Variants in MXRA8 observed in about 807,000 individuals in gnomAD.
MXRA8 encodes the protein matrix remodeling associated 8.
MXRA8 carries 44 observed loss-of-function variants against 51.4 expected under a neutral mutation model. The ratio of observed to expected loss-of-function variants is 0.86; its 90% CI spans 0.67 to 1.10. MXRA8 has a LOEUF of 1.10. Ranked by LOEUF, MXRA8 falls within the 50% of genes least tolerant of loss-of-function variation. The probability of loss-of-function intolerance (pLI) is 0.00; values close to 1 mark genes in which losing one functional copy is unlikely to be tolerated. For synonymous variants in MXRA8, 369 were observed against 293.5 expected (o/e 1.26, Z -2.63); for missense variants, 765 against 638.9 (o/e 1.20, Z -2.13).
At chr1:1,362,792 A>ATTTT (rs1644236013), upstream of MXRA8, among the ~76,000 whole-genome samples, 2 of 150,390 alleles carry the variant, frequency 1.3e-5, no homozygotes, top group African/African-American at 4.9e-5. Context: ...AAAAAAAAAA[A>ATTTT]AAAAAAAAGG....
At chr1:1,354,283 C>T (rs1199082217) in intron 6 of MXRA8, 51 bp from the exon 7 acceptor site, 3 of 1,601,982 alleles carry the variant, frequency 1.9e-6, no homozygotes, top group Non-Finnish European at 2.6e-6. Flanking sequence ...CGCAGGTCCC[C>T]CAGCCCAGAG....
At chr1:1,362,709 A>C (rs1392320835), upstream of MXRA8, among the ~76,000 whole-genome samples, 2 of 130,348 alleles carry the variant, frequency 1.5e-5, no homozygotes, top group African/African-American at 6.0e-5. Flanking sequence ...TGAACCCGGG[A>C]GGTGGAGGTT....
At chr1:1,362,034 G>A (rs1333613544), upstream of MXRA8, among the ~76,000 whole-genome samples, 3 of 152,190 alleles carry the variant, frequency 2.0e-5, no homozygotes, top group African/African-American at 7.2e-5. Flanking sequence ...CGTTATAGCC[G>A]CTTGTGGCGA....
At chr1:1,358,907 C>T (rs12731385), upstream of MXRA8, 15 of 1,005,008 alleles carry the variant, frequency 1.5e-5, 1 homozygote, top group South Asian at 4.5e-4. Context: ...GGCCTCCCCC[C>T]ACGTGAGCCA....
intron 1 of MXRA8, among the ~76,000 whole-genome samples, chr1:1,357,143 CCT>C (rs543156625): frequency 7.7e-4 from 118 of 152,302 alleles, no homozygotes; most frequent in African/African-American, 2.8e-3. Flanking sequence ...CAGCGCAGCC[CCT>C]GAGGTGCTTC....
upstream of MXRA8, chr1:1,359,391 G>A (rs1272173944): frequency 6.1e-6 from 6 of 985,428 alleles, no homozygotes; most frequent in East Asian, 1.1e-4. Flanking sequence ...AAACAAATGC[G>A]AAATAACAGC....
intron 8 of MXRA8, 21 bp downstream of exon 8, chr1:1,354,008 TC>T: frequency 1.9e-6 from 3 of 1,612,218 alleles, no homozygotes; most frequent in Non-Finnish European, 2.5e-6. Flanking sequence ...GCCTGTGCCC[TC>T]GTGTCCCAGC....
chr1:1,358,389 T>C, intron 1 of MXRA8, 67 bp downstream of exon 1: 1 of 1,526,082 alleles, frequency 6.6e-7, no homozygotes, highest in South Asian at 1.3e-5. Flanking sequence ...TGGGCGGTTT[T>C]GTCCGAAACG....
At chr1:1,359,557 G>C (rs1644193837), upstream of MXRA8, 1 of 985,112 alleles carries the variant, frequency 1.0e-6, no homozygotes, top group Non-Finnish European at 1.2e-6. Context: ...CAGCTGGGTG[G>C]GGGGCTCACC....
At chr1:1,360,453 G>T (rs1053415408), upstream of MXRA8, among the ~76,000 whole-genome samples, 3 of 133,898 alleles carry the variant, frequency 2.2e-5, no homozygotes, top group Non-Finnish European at 3.1e-5. Flanking sequence ...AGTGACCTGT[G>T]CCTCTTCTGC....
intron 1 of MXRA8, among the ~76,000 whole-genome samples, chr1:1,357,931 C>A (rs1272232784): frequency 6.6e-6 from 1 of 152,150 alleles, no homozygotes; most frequent in Non-Finnish European, 1.5e-5. Context: ...ACCCCAGGGC[C>A]CGTGGGTGAT....
upstream of MXRA8, among the ~76,000 whole-genome samples, chr1:1,362,753 C>A (rs1644235152): frequency 1.4e-5 from 2 of 144,156 alleles, no homozygotes; most frequent in African/African-American, 5.2e-5. Flanking sequence ...TGCATTCCAG[C>A]CTGGGAAACA....
rs1223640432 is a variant in MXRA8 at position 1,355,334 on chromosome 1, T to C, written c.388A>G (p.Thr130Ala). The change falls in exon 4 of 10, where the codon ACG becomes GCG. Residue 130 changes from threonine to alanine, a missense_variant. Thr to Ala is a moderately conservative substitution (Grantham distance 58). Coordinates refer to ENST00000309212, the MANE Select transcript of MXRA8 (RefSeq NM_032348.4). ...FSLLIRAVEE[T>A]DAGLYTCNLH... ...TTGCAGGTGTACAGCCCCGCGTCCG[T>C]CTCCTCCACCGCTGCGCACCCAGGA... 6.3e-7 allele frequency: 1 copy of C among 1,576,130 alleles called. No homozygotes were observed. The highest frequency in any genetic ancestry group is 8.6e-7 in the Non-Finnish European group (1 of 1,165,000).
In MXRA8 at chr1:1,354,488, T is replaced by C; in HGVS notation, c.971A>G (p.His324Arg). Reference sequence around the variant, plus strand: ...GGGGACGATGACATTGATGACGTTGTGGCCGCGCGCCAGTGTGGGGTCTGC... The same window carrying C: ...GGGGACGATGACATTGATGACGTTGCGGCCGCGCGCCAGTGTGGGGTCTGC... ...PGPDPTLARG[H>R]NVINVIVPES... The change falls in exon 6 of 10, where the codon CAC (histidine) becomes CGC (arginine). Residue 324 changes from histidine (H) to arginine (R), a missense_variant. Coordinates refer to ENST00000309212, the MANE Select transcript of MXRA8 (RefSeq NM_032348.4). 1 of 1,612,200 alleles carries C rather than the reference T, an allele frequency of 6.2e-7. No homozygotes were observed. Among genetic ancestry groups the C allele is most frequent in the Admixed American group, 1.7e-5 (1 of 60,022 alleles).
upstream of MXRA8, chr1:1,359,367 T>A: frequency 1.0e-6 from 1 of 985,372 alleles, no homozygotes; most frequent in Non-Finnish European, 1.2e-6. Flanking sequence ...GTGGGAAAAC[T>A]TACAAAGTCA....
upstream of MXRA8, chr1:1,361,627 G>C: frequency 2.6e-6 from 1 of 388,560 alleles, no homozygotes; most frequent in Non-Finnish European, 4.9e-6. Context: ...CACCAACACA[G>C]ACAGGGTTAG....
intron 7 of MXRA8, 24 bp from the exon 8 acceptor site, chr1:1,354,130 G>A (rs946744085): frequency 1.2e-6 from 2 of 1,612,774 alleles, no homozygotes; most frequent in Admixed American, 1.7e-5. Flanking sequence ...GTGGGAGGAG[G>A]TTACAGCTGG....
At chr1:1,363,132 AATT>A (rs1435699165), upstream of MXRA8, among the ~76,000 whole-genome samples, 1 of 152,030 alleles carries the variant, frequency 6.6e-6, no homozygotes, top group Non-Finnish European at 1.5e-5. Context: ...AAAATACAAA[AATT>A]ATCCGGGTGT....
chr1:1,358,307 C>T (rs1644173041), intron 1 of MXRA8, 149 bp downstream of exon 1: 2 of 818,828 alleles, frequency 2.4e-6, no homozygotes, highest in Non-Finnish European at 3.6e-6. Context: ...TGGCAAGCGG[C>T]TCTCCCGAGC....
Sources: allele counts gnomAD v4.1 joint callset (sites outside exome capture counted in the v4.1 genomes callset), GRCh38; gene constraint gnomAD v4.1.1; transcripts MANE v1.5; gene names NCBI Gene and HGNC (gene_info 2026-07-23, HGNC 2026-07-21).